Variants in PHACTR2 observed in about 807,000 individuals in gnomAD.
PHACTR2 encodes chromosome 6 open reading frame 56.
PHACTR2 carries 30 observed loss-of-function variants against 76.0 expected under a neutral mutation model. That is an observed-to-expected ratio of 0.39 (90% confidence interval 0.30 to 0.54). PHACTR2 has a LOEUF of 0.54. Ranked by LOEUF, PHACTR2 falls within the 20% of genes least tolerant of loss-of-function variation. The pLI, the probability that PHACTR2 is intolerant of heterozygous loss-of-function variation, is 0.61. For missense variants in PHACTR2, 696 were observed against 781.1 expected, an observed-to-expected ratio of 0.89 and a Z score of 1.30; for synonymous variants, 292 against 292.5, an observed-to-expected ratio of 1.00 and a Z score of 0.02.
rs1244777972 is a variant in PHACTR2 at position 143,616,637 on chromosome 6, G to A, written c.13+8315G>A. On this transcript the variant is annotated intron_variant, in intron 1 of 11. Coordinates refer to the PHACTR2 transcript ENST00000305766. The surrounding 1 kb of genome is among the most constrained non-coding windows in gnomAD (Gnocchi z 4.9). ...TATGAGAGAATGAAACGGAGCTTCT[G>A]TCAGCATGCTCCTTCCTTCTAGTAG... Among the ~76,000 whole-genome samples, 1 of 152,144 alleles carries A rather than the reference G, an allele frequency of 6.6e-6. No homozygotes were observed. Among genetic ancestry groups the A allele is most frequent in the African/African-American group, 2.4e-5 (1 of 41,428 alleles).
At chr6:143,628,650 G>A (rs924231833) in intron 1 of PHACTR2, among the ~76,000 whole-genome samples, 8 of 151,928 alleles carry the variant, frequency 5.3e-5, no homozygotes, top group Non-Finnish European at 1.2e-4. Context: ...CCTCATCTCA[G>A]AATCCTTAAT....
At chr6:143,582,542 T>G (rs990775013) in intron 1 of PHACTR2, among the ~76,000 whole-genome samples, 3 of 152,122 alleles carry the variant, frequency 2.0e-5, no homozygotes, top group African/African-American at 7.2e-5. Context: ...CAGGTATGGA[T>G]TTATAATGAT....
intron 1 of PHACTR2, among the ~76,000 whole-genome samples, chr6:143,630,300 A>G (rs895724686): frequency 6.6e-6 from 1 of 151,368 alleles, no homozygotes; most frequent in Non-Finnish European, 1.5e-5. Flanking sequence ...ATAGTAAGGC[A>G]TATTCCTTCT....
chr6:143,778,076 A>G (rs896588705), intron 9 of PHACTR2, among the ~76,000 whole-genome samples: 1 of 152,264 alleles, frequency 6.6e-6, no homozygotes, highest in African/African-American at 2.4e-5. Context: ...CAGTGTGGAC[A>G]GGCACTGCAG....
chr6:143,800,423 A>T lies in PHACTR2; in HGVS notation c.1846-6634A>T, dbSNP rs11962438. Among the ~76,000 whole-genome samples the T allele has an allele frequency of 6.6e-6, 1 of 151,920 alleles. No individual in the cohort carries two copies. The highest frequency in any genetic ancestry group is 2.1e-4 in the South Asian group (1 of 4,814). ...ACTACAGGTGCCCGCCACCATGCCC[A>T]GTTAATTTTTTGTATTTTTAGTAGA... On this transcript the variant is annotated intron_variant, in intron 11 of 12. Coordinates refer to ENST00000440869, the MANE Select transcript of PHACTR2 (RefSeq NM_001100164.2). This position sits in a 1 kb window ranked among gnomAD's most constrained non-coding sequence, Gnocchi z 4.8.
rs1777158725 is a variant in PHACTR2 at position 143,671,849 on chromosome 6, G to A, written c.14-40167G>A. On this transcript the variant is annotated intron_variant, in intron 1 of 11. Transcript: ENST00000305766. This position sits in a 1 kb window ranked among gnomAD's most constrained non-coding sequence, Gnocchi z 4.6. ...CCAAATGCCCATTAACTGGTAAACA[G>A]ATAAACAAACTTTTGTATAGCCATA... Among the ~76,000 whole-genome samples the A allele has an allele frequency of 6.6e-6, 1 of 152,074 alleles. No individual in the cohort carries two copies. The highest frequency in any genetic ancestry group is 1.5e-5 in the Non-Finnish European group (1 of 68,014).
At position 143,654,675 on chromosome 6, in the gene PHACTR2, A is replaced by G. The variant is rs545208391; in HGVS notation, c.13+46353A>G. 1.3e-5 allele frequency among the ~76,000 whole-genome samples: 2 copies of G among 152,160 alleles called. No individual in the cohort carries two copies. Among genetic ancestry groups the G allele is most frequent in the South Asian group, 4.2e-4 (2 of 4,816 alleles). On this transcript the variant is annotated intron_variant, in intron 1 of 11. Transcript: ENST00000305766. The surrounding 1 kb of genome is among the most constrained non-coding windows in gnomAD (Gnocchi z 4.6). The stretch of plus-strand genomic sequence containing the variant: ...AAAAATTAGCCAAGCATGGTGGTGC[A>G]CGCCTGTAGTCCTAGTGACTTGGGA...
intron 1 of PHACTR2, among the ~76,000 whole-genome samples, chr6:143,574,136 A>G (rs1249445561): frequency 6.6e-6 from 1 of 152,198 alleles, no homozygotes; most frequent in African/African-American, 2.4e-5. Context: ...CAGTTCGTGC[A>G]GCTGTGTGGC....
chr6:143,814,644 C>T (rs1221498941), intron 12 of PHACTR2, among the ~76,000 whole-genome samples: 2 of 148,842 alleles, frequency 1.3e-5, no homozygotes, highest in African/African-American at 5.0e-5. Flanking sequence ...GCTCTGTCGC[C>T]CAGGCTGGAG....
rs908986463 is a variant in PHACTR2 at position 143,822,391 on chromosome 6, G to A, written c.1923-1283G>A. Among the ~76,000 whole-genome samples, 1 of 152,136 alleles carries A rather than the reference G, an allele frequency of 6.6e-6. No individual in the cohort carries two copies. Among genetic ancestry groups the A allele is most frequent in the Non-Finnish European group, 1.5e-5 (1 of 68,014 alleles). ...CTTTTGAGAAAGAACTGGGTTGGGC[G>A]CAGTGGCTCGTACCTGTAATCACAG... On this transcript the variant is annotated intron_variant, in intron 12 of 12. Coordinates refer to ENST00000440869, the MANE Select transcript of PHACTR2 (RefSeq NM_001100164.2). This position sits in a 1 kb window ranked among gnomAD's most constrained non-coding sequence, Gnocchi z 5.5.
In PHACTR2 at chr6:143,751,537, C is replaced by T. The variant is rs904718785; in HGVS notation, c.296-2217C>T. Among the ~76,000 whole-genome samples, 2 of 152,050 alleles carry T rather than the reference C, an allele frequency of 1.3e-5. No homozygotes were observed. Among genetic ancestry groups the T allele is most frequent in the African/African-American group, 2.4e-5 (1 of 41,386 alleles). ...CATGATTTTCTCTTTCTATCTGTCCCTCCTTTAACTATGATATATCCCCAA... is the reference window on the plus strand; with the variant it reads ...CATGATTTTCTCTTTCTATCTGTCCTTCCTTTAACTATGATATATCCCCAA... On this transcript the variant is annotated intron_variant, in intron 3 of 12. Transcript: ENST00000440869. This position sits in a 1 kb window ranked among gnomAD's most constrained non-coding sequence, Gnocchi z 5.7.
At chr6:143,770,925 C>CTTTT (rs72471881) in intron 6 of PHACTR2, among the ~76,000 whole-genome samples, 40 of 119,112 alleles carry the variant, frequency 3.4e-4, no homozygotes, top group South Asian at 5.5e-4. Flanking sequence ...TTCTTTCTTT[C>CTTTT]TTTTTTTTTT....
Position 143,799,251 on chromosome 6 carries a change from T to C in PHACTR2, c.1846-7806T>C, listed in dbSNP as rs975910439. ...GTGATATCCCCTTTATCATTTTTTA[T>C]TGCGTCTATTTGATTCTTCTCTCTT... On this transcript the variant is annotated intron_variant, in intron 11 of 12. Transcript: ENST00000440869. 5.3e-5 allele frequency among the ~76,000 whole-genome samples: 8 copies of C among 152,334 alleles called. No individual in the cohort carries two copies. In the South Asian group the frequency reaches 6.2e-4, roughly 12 times the overall value.
At position 143,619,370 on chromosome 6, in the gene PHACTR2, T is replaced by C. The variant is rs901408348; in HGVS notation, c.13+11048T>C. ...ACCCATTATCGGTCTAAGAAACATA[T>C]AATGAAGCCACTCAGACAAAATAGG... On this transcript the variant is annotated intron_variant, in intron 1 of 11. Coordinates refer to the PHACTR2 transcript ENST00000305766. This position sits in a 1 kb window ranked among gnomAD's most constrained non-coding sequence, Gnocchi z 4.5. Among the ~76,000 whole-genome samples the C allele has an allele frequency of 3.9e-5, 6 of 152,230 alleles. No individual in the cohort carries two copies. Among genetic ancestry groups the C allele is most frequent in the African/African-American group, 1.4e-4 (6 of 41,460 alleles).
intron 1 of PHACTR2, among the ~76,000 whole-genome samples, chr6:143,631,293 C>T (rs983667500): frequency 3.9e-5 from 6 of 152,070 alleles, no homozygotes; most frequent in East Asian, 1.9e-4. Flanking sequence ...TGGGCTCAAG[C>T]GATCCTCCTG....
chr6:143,603,330 A>G (rs548287439), upstream of PHACTR2, among the ~76,000 whole-genome samples: 8 of 152,156 alleles, frequency 5.3e-5, no homozygotes, highest in South Asian at 1.5e-3. Flanking sequence ...GGGATTTTGC[A>G]GTCGGGGAGA....
chr6:143,546,499 C>G lies in PHACTR2; in HGVS notation c.217+9292C>G, dbSNP rs1774999390. ...GACATAATAATTAATGGTCATTAGT[C>G]AGGTCATCAATGTTGATTTATGATC... On this transcript the variant is annotated intron_variant, in intron 1 of 11. Transcript: ENST00000367584. This position sits in a 1 kb window ranked among gnomAD's most constrained non-coding sequence, Gnocchi z 4.9. Among the ~76,000 whole-genome samples, 1 of 152,102 alleles carries G rather than the reference C, an allele frequency of 6.6e-6. No individual in the cohort carries two copies. Among genetic ancestry groups the G allele is most frequent in the African/African-American group, 2.4e-5 (1 of 41,408 alleles).
intron 1 of PHACTR2, among the ~76,000 whole-genome samples, chr6:143,657,640 G>T (rs1258455087): frequency 1.3e-5 from 2 of 152,224 alleles, no homozygotes; most frequent in Non-Finnish European, 2.9e-5. Context: ...CTTTTGAAAG[G>T]CAGGGAAAGA....
rs546069547 is a variant in PHACTR2, at chr6:143,692,419, C to T, written c.46+14210C>T. ...CCGTGGGTTCCTGTTGGCCTGACTG[C>T]GCTGTTTCATTTTCCTAAAGGCCTC... On this transcript the variant is annotated intron_variant, in intron 1 of 12. Coordinates refer to ENST00000440869, the MANE Select transcript of PHACTR2 (RefSeq NM_001100164.2). Among the ~76,000 whole-genome samples the T allele has an allele frequency of 1.1e-4, 17 of 152,248 alleles. No homozygotes were observed. The South Asian group carries it at 2.5e-3, about 22-fold the overall frequency.
Sources: allele counts gnomAD v4.1 joint callset (sites outside exome capture counted in the v4.1 genomes callset), GRCh38; gene constraint gnomAD v4.1.1; non-coding constraint Gnocchi (gnomAD v3.1); transcripts MANE v1.5; gene names NCBI Gene and HGNC (gene_info 2026-07-23, HGNC 2026-07-21).